Variants in SLC12A7 observed in about 807,000 individuals in gnomAD.
The protein encoded by SLC12A7 is K-Cl cotransporter 4.
A neutral mutation model predicts 120.6 loss-of-function variants in SLC12A7; 100 were observed. That is an observed-to-expected ratio of 0.83 (90% CI 0.71 to 0.98). The LOEUF (loss-of-function observed/expected upper bound fraction) is 0.98. SLC12A7 is among the 50% of genes least tolerant of loss of function. The probability of loss-of-function intolerance (pLI) is 0.00; values close to 1 mark genes in which losing one functional copy is unlikely to be tolerated. For synonymous variants in SLC12A7, 760 were observed against 678.0 expected (o/e 1.12, Z -1.88); for missense variants, 1,373 against 1,548.1 (o/e 0.89, Z 1.90).
the SLC12A7 span, among the ~76,000 whole-genome samples, chr5:1,138,008 G>A: frequency 1.3e-5 from 2 of 152,264 alleles, no homozygotes; most frequent in African/African-American, 2.4e-5. Flanking sequence ...AGGGATAGCC[G>A]CCGGCACCCG....
chr5:1,121,346 G>A, the SLC12A7 span, among the ~76,000 whole-genome samples: 1 of 152,350 alleles, frequency 6.6e-6, no homozygotes, highest in African/African-American at 2.4e-5. Context: ...TTTGGCCTGT[G>A]GAGGGCTGTG....
intron 17 of SLC12A7, among the ~76,000 whole-genome samples, chr5:1,069,977 G>A (rs1244101706): frequency 6.8e-6 from 1 of 147,818 alleles, no homozygotes; most frequent in African/African-American, 2.6e-5. Context: ...GCAGCACACG[G>A]CATCACACTT....
the SLC12A7 span, among the ~76,000 whole-genome samples, chr5:1,145,311 C>A: frequency 6.6e-6 from 1 of 152,260 alleles, no homozygotes; most frequent in African/African-American, 2.4e-5. The surrounding 1 kb of genome is among the most constrained non-coding windows in gnomAD (Gnocchi z 4.4). Context: ...GTTCCGCAGA[C>A]CCCCTCCCTG....
At chr5:1,125,281 G>A in the SLC12A7 span, among the ~76,000 whole-genome samples, 1 of 152,050 alleles carries the variant, frequency 6.6e-6, no homozygotes, top group Non-Finnish European at 1.5e-5. Context: ...GTGTGTGTGT[G>A]TGTGTGTGTG....
chr5:1,108,308 G>A (rs1272177019), intron 1 of SLC12A7, among the ~76,000 whole-genome samples: 1 of 152,216 alleles, frequency 6.6e-6, no homozygotes, highest in Non-Finnish European at 1.5e-5. Flanking sequence ...CACAGGCCCC[G>A]GCCTGGATGC....
the SLC12A7 span, among the ~76,000 whole-genome samples, chr5:1,145,591 G>A: frequency 1.2e-4 from 19 of 152,308 alleles, no homozygotes; most frequent in African/African-American, 3.1e-4. The surrounding 1 kb of genome is among the most constrained non-coding windows in gnomAD (Gnocchi z 4.4). Context: ...TTTGAAACAG[G>A]AAGGTCCCTG....
rs557550876 is a variant in SLC12A7 at position 1,054,380 on chromosome 5, CATGCT to C, written c.3027-903_3027-899del. ...AGTAGGTTTGGGGACACTGCAGAAT[CATGCT>C]GTGAGGTGCTCAGGCCCTTGCGGGA... On this transcript the variant is annotated intron_variant, in intron 22 of 23. Coordinates refer to ENST00000264930, the MANE Select transcript of SLC12A7 (RefSeq NM_006598.3). 2.1e-4 allele frequency among the ~76,000 whole-genome samples: 32 copies of C among 152,342 alleles called. No individual in the cohort carries two copies. In the South Asian group the frequency reaches 4.6e-3, roughly 22 times the overall value.
intron 17 of SLC12A7, 72 bp from the exon 18 acceptor site, chr5:1,065,550 G>C: frequency 7.4e-7 from 1 of 1,346,660 alleles, no homozygotes; most frequent in Non-Finnish European, 1.0e-6. Flanking sequence ...CACCCACGGT[G>C]GCCAGGGCAC....
At chr5:1,100,793 G>A (rs942784667) in intron 1 of SLC12A7, among the ~76,000 whole-genome samples, 2 of 152,204 alleles carry the variant, frequency 1.3e-5, no homozygotes, top group African/African-American at 2.4e-5. Flanking sequence ...TGCCACAGTC[G>A]TCAAAAAAAG....
chr5:1,153,979 C>A, the SLC12A7 span, among the ~76,000 whole-genome samples: 6 of 152,102 alleles, frequency 3.9e-5, no homozygotes, highest in Non-Finnish European at 7.4e-5. Flanking sequence ...CAGGGCTGGA[C>A]CCGAGAGCCA....
Position 1,060,987 on chromosome 5 carries a change from C to CA in SLC12A7, c.2740-537_2740-536insT, listed in dbSNP as rs1561034402. Among the ~76,000 whole-genome samples, 564 of 135,960 alleles carry CA rather than the reference C, an allele frequency of 4.1e-3. 6 individuals carry two copies. Among genetic ancestry groups the CA allele is most frequent in the African/African-American group, 0.015 (519 of 33,602 alleles). 89.2% of individuals were successfully genotyped at this position (135,960 alleles called of 152,430 possible). Reference sequence around the variant, plus strand: ...GTGTGGGACTGCTGCGTCTCACCCACTGCACCTGCCGTGCAGGATCCCTGA... The same window carrying CA: ...GTGTGGGACTGCTGCGTCTCACCCACATGCACCTGCCGTGCAGGATCCCTGA... On this transcript the variant is annotated intron_variant, in intron 20 of 23. Coordinates refer to ENST00000264930, the MANE Select transcript of SLC12A7 (RefSeq NM_006598.3).
At chr5:1,077,758 G>T (rs1244715580) in intron 12 of SLC12A7, 75 bp downstream of exon 12, 15 of 1,424,514 alleles carry the variant, frequency 1.1e-5, no homozygotes, top group Non-Finnish European at 1.4e-5. Context: ...ACACGGCACT[G>T]TGAGGATCCC....
At chr5:1,078,471 C>A in intron 11 of SLC12A7, 1 of 602,066 alleles carries the variant, frequency 1.7e-6, no homozygotes, top group East Asian at 2.8e-5. Context: ...GGCCTGCGCC[C>A]CCAGCCGCAT....
At chr5:1,088,388 G>C in intron 4 of SLC12A7, 28 bp from the exon 5 acceptor site, 1 of 1,561,810 alleles carries the variant, frequency 6.4e-7, no homozygotes. Flanking sequence ...GCCATCTGAG[G>C]AGAGTTTTCC....
Position 1,107,480 on chromosome 5 carries a change from A to G in SLC12A7, c.124+4388T>C, listed in dbSNP as rs528194885. Among the ~76,000 whole-genome samples the G allele has an allele frequency of 2.0e-5, 3 of 152,298 alleles. No individual in the cohort carries two copies. The South Asian group carries it at 6.2e-4, about 32-fold the overall frequency. ...TCACTGCCGGGCATGAGGGGAGGAC[A>G]GCCCCCAACTCACCCTCAGGGTCCC... On this transcript the variant is annotated intron_variant, in intron 1 of 23. Coordinates refer to ENST00000264930, the MANE Select transcript of SLC12A7 (RefSeq NM_006598.3).
At chr5:1,088,862 C>T (rs1028911627) in intron 4 of SLC12A7, 120 bp downstream of exon 4, 26 of 1,335,582 alleles carry the variant, frequency 1.9e-5, no homozygotes, top group Middle Eastern at 2.6e-4. Flanking sequence ...CCCTACTGTC[C>T]GGCTGCCACC....
At chr5:1,089,563 C>G (rs1014838758) in intron 3 of SLC12A7, among the ~76,000 whole-genome samples, 116 of 142,906 alleles carry the variant, frequency 8.1e-4, no homozygotes, top group Non-Finnish European at 1.4e-3. Flanking sequence ...GGCTGCTGCC[C>G]ATAAAGCTAA....
the SLC12A7 span, among the ~76,000 whole-genome samples, chr5:1,147,248 C>CCCCCCCCCCG: frequency 1.3e-5 from 1 of 79,568 alleles, no homozygotes; most frequent in African/African-American, 7.3e-5. Flanking sequence ...GCCCACCCCG[C>CCCCCCCCCCG]CACCCCCCCC....
the SLC12A7 span, among the ~76,000 whole-genome samples, chr5:1,155,077 C>T: frequency 6.6e-6 from 1 of 151,278 alleles, no homozygotes; most frequent in African/African-American, 2.4e-5. Flanking sequence ...CCTCTGCCTC[C>T]CCCCGCCCCC....
Sources: allele counts gnomAD v4.1 joint callset (sites outside exome capture counted in the v4.1 genomes callset), GRCh38; gene constraint gnomAD v4.1.1; non-coding constraint Gnocchi (gnomAD v3.1); transcripts MANE v1.5; gene names NCBI Gene and HGNC (gene_info 2026-07-23, HGNC 2026-07-21).